Variants in RANBP2 observed in about 807,000 individuals in gnomAD.
The protein encoded by RANBP2 is E3 SUMO-protein ligase RanBP2.
In RANBP2, 57 loss-of-function variants were observed where a neutral mutation model predicts 303.6. The ratio of observed to expected loss-of-function variants is 0.19; its 90% CI spans 0.15 to 0.23. The LOEUF (loss-of-function observed/expected upper bound fraction) is 0.23. RANBP2 is among the 10% of genes least tolerant of loss of function. The pLI is 1.00. For synonymous variants in RANBP2, 1,167 were observed against 1,301.5 expected, an observed-to-expected ratio of 0.90 and a Z score of 2.23; for missense variants, 3,138 against 3,780.8, an observed-to-expected ratio of 0.83 and a Z score of 4.46.
At chr2:109,346,926 G>T in the RANBP2 span, among the ~76,000 whole-genome samples, 1 of 151,076 alleles carries the variant, frequency 6.6e-6, no homozygotes, top group Non-Finnish European at 1.5e-5. Flanking sequence ...GTGTCATGGT[G>T]GGGGGGTCTG....
At chr2:109,021,603 A>C in the RANBP2 span, among the ~76,000 whole-genome samples, 1 of 151,254 alleles carries the variant, frequency 6.6e-6, no homozygotes, top group Non-Finnish European at 1.5e-5. Flanking sequence ...TCTCCTCCAG[A>C]CCTGAGGGGT....
At chr2:109,387,264 T>C in the RANBP2 span, among the ~76,000 whole-genome samples, 1 of 152,242 alleles carries the variant, frequency 6.6e-6, no homozygotes, top group Non-Finnish European at 1.5e-5. Flanking sequence ...AGCTTCCAAG[T>C]GCCTCACCTG....
At chr2:109,563,781 A>G in the RANBP2 span, among the ~76,000 whole-genome samples, 1 of 152,098 alleles carries the variant, frequency 6.6e-6, no homozygotes, top group African/African-American at 2.4e-5. Context: ...TCATTCCAAA[A>G]CCTTTACAGA....
the RANBP2 span, among the ~76,000 whole-genome samples, chr2:109,393,759 G>A: frequency 1.1e-4 from 16 of 151,920 alleles, no homozygotes; most frequent in Non-Finnish European, 2.2e-4. Flanking sequence ...GGGGCCCAGG[G>A]GGACACAACT....
the RANBP2 span, among the ~76,000 whole-genome samples, chr2:109,624,927 A>G: frequency 6.6e-6 from 1 of 151,836 alleles, no homozygotes; most frequent in African/African-American, 2.4e-5. Context: ...CTAAAAATAC[A>G]AAAATTAGCC....
At chr2:109,099,966 G>C in the RANBP2 span, among the ~76,000 whole-genome samples, 2 of 152,044 alleles carry the variant, frequency 1.3e-5, no homozygotes, top group Non-Finnish European at 2.9e-5. Flanking sequence ...ATCTGATAAT[G>C]TTTGTGATAT....
the RANBP2 span, among the ~76,000 whole-genome samples, chr2:108,979,560 G>A: frequency 6.6e-6 from 1 of 152,102 alleles, no homozygotes; most frequent in Non-Finnish European, 1.5e-5. Flanking sequence ...TAAGCTAGGG[G>A]CATGTCAGGT....
At chr2:109,595,324 A>G in the RANBP2 span, among the ~76,000 whole-genome samples, 1 of 152,224 alleles carries the variant, frequency 6.6e-6, no homozygotes, top group African/African-American at 2.4e-5. Context: ...TAAAAGGCAA[A>G]AAGTATGTAA....
the RANBP2 span, among the ~76,000 whole-genome samples, chr2:109,387,049 A>G: frequency 6.6e-6 from 1 of 152,216 alleles, no homozygotes; most frequent in African/African-American, 2.4e-5. Flanking sequence ...AATTAAAATC[A>G]CCCATAATCC....
At chr2:109,357,329 C>T in the RANBP2 span, among the ~76,000 whole-genome samples, 4 of 152,020 alleles carry the variant, frequency 2.6e-5, no homozygotes, top group African/African-American at 9.7e-5. Flanking sequence ...CTACAGGCAC[C>T]CACCACCATG....
the RANBP2 span, among the ~76,000 whole-genome samples, chr2:109,620,095 C>G: frequency 6.6e-6 from 1 of 152,142 alleles, no homozygotes; most frequent in Non-Finnish European, 1.5e-5. Flanking sequence ...CACATCGATG[C>G]ATTGGTAAGG....
chr2:109,582,533 G>C, the RANBP2 span, among the ~76,000 whole-genome samples: 1 of 151,972 alleles, frequency 6.6e-6, no homozygotes, highest in East Asian at 1.9e-4. Flanking sequence ...TGTTGCCCAG[G>C]CTAGTCTCAA....
the RANBP2 span, among the ~76,000 whole-genome samples, chr2:109,655,326 G>A: frequency 6.6e-6 from 1 of 152,210 alleles, no homozygotes; most frequent in Non-Finnish European, 1.5e-5. Context: ...ACAGTCGATA[G>A]GTGACTGGCC....
chr2:108,807,313 A>C, the RANBP2 span, among the ~76,000 whole-genome samples: 1 of 152,226 alleles, frequency 6.6e-6, no homozygotes, highest in Non-Finnish European at 1.5e-5. Flanking sequence ...AAGGAATTAA[A>C]TTGAAATTTG....
the RANBP2 span, among the ~76,000 whole-genome samples, chr2:109,090,110 A>G: frequency 6.6e-6 from 1 of 152,130 alleles, no homozygotes; most frequent in Admixed American, 6.6e-5. Context: ...GCGACAACAG[A>G]GACCACACAG....
the RANBP2 span, among the ~76,000 whole-genome samples, chr2:109,277,475 G>A: frequency 6.6e-6 from 1 of 152,196 alleles, no homozygotes; most frequent in Non-Finnish European, 1.5e-5. Flanking sequence ...TCCTACTTCT[G>A]CTAGGACATT....
the RANBP2 span, among the ~76,000 whole-genome samples, chr2:108,795,010 G>A: frequency 1.3e-5 from 2 of 151,482 alleles, no homozygotes. Context: ...ATCTGATAAA[G>A]TATGGTTTTT....
chr2:109,140,598 G>T, the RANBP2 span, among the ~76,000 whole-genome samples: 1 of 151,946 alleles, frequency 6.6e-6, no homozygotes, highest in Admixed American at 6.6e-5. Context: ...AACCAGGATG[G>T]TCTTGATCTC....
chr2:109,411,719 G>A, the RANBP2 span, among the ~76,000 whole-genome samples: 1 of 152,178 alleles, frequency 6.6e-6, no homozygotes, highest in Admixed American at 6.5e-5. Context: ...CCCATGCTAG[G>A]AAGGCCGGCC....
Sources: gnomAD v4.1 joint callset for allele counts (sites outside exome capture counted in the v4.1 genomes callset) on GRCh38, gnomAD v4.1.1 for gene constraint, MANE v1.5 for transcripts, NCBI Gene and HGNC (gene_info 2026-07-23, HGNC 2026-07-21) for gene names.